TENM2: variants seen among roughly 807,000 people sequenced by gnomAD.
TENM2 encodes teneurin transmembrane protein 2.
Under a neutral mutation model 245.2 loss-of-function variants are expected in TENM2, and 52 were observed. The ratio of observed to expected loss-of-function variants is 0.21; its 90% CI spans 0.17 to 0.27. The LOEUF is 0.27. Ranked by LOEUF, TENM2 falls within the 10% of genes least tolerant of loss-of-function variation. The pLI, the probability that TENM2 is intolerant of heterozygous loss-of-function variation, is 1.00. For synonymous variants in TENM2, 1,363 were observed against 1,438.9 expected, an observed-to-expected ratio of 0.95 and a Z score of 1.19; for missense variants, 3,046 against 3,666.8, an observed-to-expected ratio of 0.83 and a Z score of 4.37.
At chr5:167,241,527 A>G in the TENM2 span, among the ~76,000 whole-genome samples, 1 of 152,206 alleles carries the variant, frequency 6.6e-6, no homozygotes, top group African/African-American at 2.4e-5. Context: ...AACATTGCAC[A>G]CTGAGAATCA....
In TENM2 at chr5:167,959,739, C is replaced by G. The variant is rs181443968; in HGVS notation, c.947+6917C>G. Reference sequence around the variant, plus strand: ...CTCATTCTTCATTGAGTTTTGTTCCCTTGCTGGTGAGGACTTGTGATCCTT... The same window carrying G: ...CTCATTCTTCATTGAGTTTTGTTCCGTTGCTGGTGAGGACTTGTGATCCTT... On this transcript the variant is annotated intron_variant, in intron 4 of 28. Transcript: ENST00000518659. Among the ~76,000 whole-genome samples the G allele has an allele frequency of 6.3e-3, 964 of 152,242 alleles. 14 individuals are homozygous for G. Among genetic ancestry groups the G allele is most frequent in the Non-Finnish European group, 8.1e-3 (549 of 68,020 alleles).
At chr5:167,716,682 A>C (rs1402106376) in intron 2 of TENM2, among the ~76,000 whole-genome samples, 1 of 152,190 alleles carries the variant, frequency 6.6e-6, no homozygotes, top group Admixed American at 6.5e-5. Context: ...AGACTGTTTT[A>C]TGCAAGTCTT....
At chr5:167,245,512 T>TC in the TENM2 span, among the ~76,000 whole-genome samples, 3 of 151,356 alleles carry the variant, frequency 2.0e-5, no homozygotes, top group South Asian at 2.1e-4. Context: ...CCTTTTCTTT[T>TC]TCTTTTTTTT....
intron 3 of TENM2, among the ~76,000 whole-genome samples, chr5:167,885,222 G>A (rs1007535242): frequency 9.9e-5 from 15 of 152,016 alleles, no homozygotes; most frequent in African/African-American, 3.6e-4. Context: ...CTTTGATGGT[G>A]TCCTTTGATG....
the TENM2 span, among the ~76,000 whole-genome samples, chr5:167,201,783 A>G: frequency 2.0e-5 from 3 of 152,102 alleles, no homozygotes; most frequent in African/African-American, 7.2e-5. Context: ...AACTTTTACT[A>G]TGAATAATAC....
Position 167,749,505 on chromosome 5 carries a change from G to T in TENM2, c.503-126481G>T, listed in dbSNP as rs1045825424. On this transcript the variant is annotated intron_variant, in intron 2 of 28. Transcript: ENST00000518659. Reference sequence around the variant, plus strand: ...ATACAAAAATCAGCCGGGTGTGGTGGTGGGCACCTATAATCCCAGCTACTC... The same window carrying T: ...ATACAAAAATCAGCCGGGTGTGGTGTTGGGCACCTATAATCCCAGCTACTC... Among the ~76,000 whole-genome samples the T allele has an allele frequency of 6.6e-5, 10 of 152,150 alleles. No homozygotes were observed. In the East Asian group the frequency reaches 1.9e-3, roughly 29 times the overall value.
At chr5:167,952,769 C>T (rs2151842801) in exon 4 of TENM2, 3 of 1,578,628 alleles carry the variant, frequency 1.9e-6, no homozygotes, top group Non-Finnish European at 2.6e-6. Flanking sequence ...CACCAGAGTC[C>T]GTTCAGCTTC....
chr5:168,162,646 T>C, exon 13 of TENM2: 1 of 1,613,952 alleles, frequency 6.2e-7, no homozygotes, highest in Non-Finnish European at 8.5e-7. Flanking sequence ...TAACGGGAGA[T>C]GCACACTGGG....
chr5:167,529,148 A>C lies in TENM2; in HGVS notation c.502+153675A>C, dbSNP rs574172751. 5.9e-5 allele frequency among the ~76,000 whole-genome samples: 9 copies of C among 152,160 alleles called. No homozygotes were observed. In the South Asian group the frequency reaches 1.9e-3, roughly 32 times the overall value. On this transcript the variant is annotated intron_variant, in intron 2 of 28. Coordinates refer to ENST00000518659, the Ensembl canonical transcript of TENM2. ...CTTCATATAGTATTACATATTGTAG[A>C]TCTTGATAATTGAGTGAATAAGTGA...
chr5:167,287,441 T>C (rs1172781424), intron 1 of TENM2: 1 of 152,200 alleles, frequency 6.6e-6, no homozygotes, highest in Non-Finnish European at 1.5e-5. Context: ...TCTTGCAGTA[T>C]TCTTATTTAA....
intron 1 of TENM2, among the ~76,000 whole-genome samples, chr5:167,344,914 C>A (rs1758365155): frequency 6.6e-6 from 1 of 152,082 alleles, no homozygotes; most frequent in Non-Finnish European, 1.5e-5. Context: ...TTTTGAGCTT[C>A]CAAAATCAGC....
At chr5:167,308,255 T>C (rs1174644626) in intron 1 of TENM2, among the ~76,000 whole-genome samples, 1 of 152,120 alleles carries the variant, frequency 6.6e-6, no homozygotes, top group African/African-American at 2.4e-5. Flanking sequence ...AGCCTAATCC[T>C]GATCACGGTG....
chr5:168,092,198 G>T (rs1397730274), intron 8 of TENM2, among the ~76,000 whole-genome samples: 2 of 152,158 alleles, frequency 1.3e-5, no homozygotes, highest in Non-Finnish European at 2.9e-5. Flanking sequence ...TCAGAAAGGT[G>T]TAAAATCATA....
intron 1 of TENM2, among the ~76,000 whole-genome samples, chr5:167,334,097 A>C (rs573987970): frequency 6.6e-6 from 1 of 152,260 alleles, no homozygotes; most frequent in African/African-American, 2.4e-5. Context: ...TGCTTTTATG[A>C]ATTGTTTTAT....
chr5:167,737,968 G>A (rs1760915771), intron 2 of TENM2, among the ~76,000 whole-genome samples: 1 of 152,224 alleles, frequency 6.6e-6, no homozygotes, highest in Non-Finnish European at 1.5e-5. Flanking sequence ...TCAAAGGGAA[G>A]GCTAACTTGG....
chr5:167,492,220 A>C lies in TENM2; in HGVS notation c.502+116747A>C, dbSNP rs186276584. Among the ~76,000 whole-genome samples, 768 of 152,254 alleles carry C rather than the reference A, an allele frequency of 5.0e-3. 6 individuals are homozygous for C. Among genetic ancestry groups the C allele is most frequent in the African/African-American group, 0.018 (742 of 41,562 alleles). On this transcript the variant is annotated intron_variant, in intron 2 of 28. Transcript: ENST00000518659. ...AGAGGTACTTCTTAATTTATGAGGC[A>C]GTATAGGGTAGTGGTTAAGGGCACA...
At chr5:167,308,391 A>G (rs1755805269) in intron 1 of TENM2, among the ~76,000 whole-genome samples, 1 of 152,222 alleles carries the variant, frequency 6.6e-6, no homozygotes, top group Non-Finnish European at 1.5e-5. Context: ...CATTGATGAC[A>G]AAATACGTTG....
intron 1 of TENM2, among the ~76,000 whole-genome samples, chr5:167,330,002 T>C (rs889220718): frequency 3.9e-5 from 6 of 152,210 alleles, no homozygotes; most frequent in African/African-American, 1.2e-4. Context: ...TCTAAAACTT[T>C]CCTGAAATGT....
At chr5:167,679,695 C>A (rs965460204) in intron 2 of TENM2, among the ~76,000 whole-genome samples, 1 of 152,086 alleles carries the variant, frequency 6.6e-6, no homozygotes, top group African/African-American at 2.4e-5. Context: ...GATACTTTGG[C>A]ATTATAAGCA....
Sources: gnomAD v4.1 joint callset for allele counts (sites outside exome capture counted in the v4.1 genomes callset) on GRCh38, gnomAD v4.1.1 for gene constraint, MANE v1.5 for transcripts, NCBI Gene and HGNC (gene_info 2026-07-23, HGNC 2026-07-21) for gene names.